Variants in GALNTL6 observed in about 807,000 individuals in gnomAD.
The protein encoded by GALNTL6 is polypeptide N-acetylgalactosaminyltransferase like 6.
GALNTL6 carries 46 observed loss-of-function variants against 73.7 expected under a neutral mutation model. The ratio of observed to expected loss-of-function variants is 0.62; its 90% CI spans 0.49 to 0.80. GALNTL6 has a LOEUF of 0.80. Among genes scored for constraint, GALNTL6 ranks in the 30% least tolerant of loss-of-function variants. The pLI is 0.00. For synonymous variants in GALNTL6, 259 were observed against 263.7 expected, an observed-to-expected ratio of 0.98 and a Z score of 0.17; for missense variants, 604 against 755.0, an observed-to-expected ratio of 0.80 and a Z score of 2.34.
intron 5 of GALNTL6, among the ~76,000 whole-genome samples, chr4:172,767,553 A>G (rs1480016600): frequency 6.6e-6 from 1 of 151,990 alleles, no homozygotes; most frequent in East Asian, 1.9e-4. Context: ...AATTCTTGCT[A>G]TATTATTTAA....
intron 10 of GALNTL6, among the ~76,000 whole-genome samples, chr4:172,964,918 C>T (rs1321075643): frequency 6.6e-6 from 1 of 152,240 alleles, no homozygotes; most frequent in Non-Finnish European, 1.5e-5. Context: ...TTCCTGAATT[C>T]CCCTGCAATC....
chr4:172,883,230 TCTC>T (rs1331190747), intron 8 of GALNTL6, among the ~76,000 whole-genome samples: 2 of 152,212 alleles, frequency 1.3e-5, no homozygotes, highest in Non-Finnish European at 2.9e-5. Flanking sequence ...TTGCAATTCT[TCTC>T]CTCTAGCTAT....
chr4:172,860,180 T>G (rs1220279439), intron 7 of GALNTL6, among the ~76,000 whole-genome samples: 2 of 152,230 alleles, frequency 1.3e-5, no homozygotes, highest in Non-Finnish European at 2.9e-5. Context: ...CTGTGTATAC[T>G]TCTGTGTTGC....
At chr4:172,888,690 T>A (rs1032949008) in intron 8 of GALNTL6, among the ~76,000 whole-genome samples, 1 of 152,216 alleles carries the variant, frequency 6.6e-6, no homozygotes. Context: ...TTAGGTAATG[T>A]GGTACCTCCG....
At chr4:171,939,161 T>C (rs973280838) in intron 2 of GALNTL6, among the ~76,000 whole-genome samples, 8 of 151,956 alleles carry the variant, frequency 5.3e-5, no homozygotes, top group African/African-American at 1.7e-4. Context: ...GGGTAGCTAG[T>C]GGATTTGCTT....
At chr4:172,598,195 T>C (rs898762553) in intron 5 of GALNTL6, among the ~76,000 whole-genome samples, 21 of 152,166 alleles carry the variant, frequency 1.4e-4, no homozygotes, top group South Asian at 4.1e-4. Context: ...CTGCCTTTTC[T>C]GTGTGCAGTA....
intron 2 of GALNTL6, among the ~76,000 whole-genome samples, chr4:171,929,916 C>A (rs1738122261): frequency 6.6e-6 from 1 of 152,228 alleles, no homozygotes; most frequent in Non-Finnish European, 1.5e-5. Flanking sequence ...CCTGGCCCAA[C>A]AGCCGGGCCA....
chr4:172,361,251 A>G (rs1201805614), intron 5 of GALNTL6, among the ~76,000 whole-genome samples: 1 of 152,098 alleles, frequency 6.6e-6, no homozygotes, highest in African/African-American at 2.4e-5. Context: ...GGTAAACTCA[A>G]GTCCTTACCA....
At chr4:172,332,975 G>T (rs1741184122) in intron 4 of GALNTL6, among the ~76,000 whole-genome samples, 2 of 152,034 alleles carry the variant, frequency 1.3e-5, no homozygotes, top group Admixed American at 1.3e-4. Context: ...GTTATTTATT[G>T]TCTTTTTAAT....
In GALNTL6 at chr4:172,069,535, A is replaced by ATGTTATATATAACATATATGTG. The variant is rs58953734; in HGVS notation, c.139-160120_139-160119insGTTATATATAACATATATGTGT. ...TATATGTTATATGTATAACACATAT[A>ATGTTATATATAACATATATGTG]TTATATATAACACATATATGTTATA... On this transcript the variant is annotated intron_variant, in intron 2 of 12. Coordinates refer to ENST00000506823, the MANE Select transcript of GALNTL6 (RefSeq NM_001034845.3). 1.6e-4 allele frequency among the ~76,000 whole-genome samples: 9 copies of ATGTTATATATAACATATATGTG among 55,972 alleles called. 2 individuals carry two copies. Among genetic ancestry groups the ATGTTATATATAACATATATGTG allele is most frequent in the South Asian group, 5.0e-4 (1 of 2,020 alleles). The allele number at this position is 55,972 out of a possible 152,430, so 36.7% of individuals were successfully genotyped here.
intron 7 of GALNTL6, among the ~76,000 whole-genome samples, chr4:172,868,334 C>T (rs568228428): frequency 6.6e-6 from 1 of 152,236 alleles, no homozygotes; most frequent in Non-Finnish European, 1.5e-5. Flanking sequence ...TCCTTTTTCA[C>T]ACTTTATCTT....
At chr4:172,538,591 G>T (rs540469901) in intron 5 of GALNTL6, among the ~76,000 whole-genome samples, 1 of 152,210 alleles carries the variant, frequency 6.6e-6, no homozygotes, top group Non-Finnish European at 1.5e-5. Flanking sequence ...ATGTAATTTA[G>T]AAATATCAGT....
chr4:172,637,505 A>G (rs1257728634), intron 5 of GALNTL6, among the ~76,000 whole-genome samples: 2 of 152,208 alleles, frequency 1.3e-5, no homozygotes, highest in African/African-American at 4.8e-5. Context: ...CTGTGCCACT[A>G]GTCAAAAATA....
chr4:172,533,549 T>G (rs573632604), intron 5 of GALNTL6, among the ~76,000 whole-genome samples: 10 of 152,062 alleles, frequency 6.6e-5, no homozygotes, highest in East Asian at 3.9e-4. Flanking sequence ...GGTCTTGAAC[T>G]CCTTACTTCA....
At chr4:172,401,468 C>A (rs1481678161) in intron 5 of GALNTL6, among the ~76,000 whole-genome samples, 1 of 152,078 alleles carries the variant, frequency 6.6e-6, no homozygotes, top group Non-Finnish European at 1.5e-5. Context: ...TAGGTTAAAT[C>A]TCATCTTATT....
intron 5 of GALNTL6, among the ~76,000 whole-genome samples, chr4:172,602,107 C>T (rs1738079895): frequency 1.3e-5 from 2 of 151,736 alleles, no homozygotes; most frequent in South Asian, 4.2e-4. Flanking sequence ...GATTTTATAT[C>T]TAGTGAGAAT....
rs1251413131 is a variant in GALNTL6 at position 172,135,479 on chromosome 4, A to AT, written c.139-94176dup. 7.9e-5 allele frequency among the ~76,000 whole-genome samples: 12 copies of AT among 152,200 alleles called. No homozygotes were observed. In the South Asian group the frequency reaches 2.3e-3, roughly 29 times the overall value. The stretch of plus-strand genomic sequence containing the variant: ...TTGCTCTTAAGCTTAAATAAAAGCA[A>AT]TAACAAATTCTCCTCTACTAATTGA... On this transcript the variant is annotated intron_variant, in intron 2 of 12. Transcript: ENST00000506823.
chr4:172,529,863 TTTTA>T (rs369219302), intron 5 of GALNTL6, among the ~76,000 whole-genome samples: 7 of 138,688 alleles, frequency 5.0e-5, no homozygotes, highest in African/African-American at 1.9e-4. Context: ...TTTATTTTTA[TTTTA>T]TTTATTTATT....
At chr4:172,891,280 A>C (rs1377565800) in intron 8 of GALNTL6, among the ~76,000 whole-genome samples, 1 of 151,912 alleles carries the variant, frequency 6.6e-6, no homozygotes, top group East Asian at 1.9e-4. Flanking sequence ...ATACTTGCAT[A>C]TGTTTTTGTG....
Sources: allele counts gnomAD v4.1 joint callset (sites outside exome capture counted in the v4.1 genomes callset), GRCh38; gene constraint gnomAD v4.1.1; transcripts MANE v1.5; gene names NCBI Gene and HGNC (gene_info 2026-07-23, HGNC 2026-07-21).